TCOF1: variants seen among roughly 807,000 people sequenced by gnomAD.
TCOF1 encodes treacle ribosome biogenesis factor 1, also known as treacle protein.
A neutral mutation model predicts 149.0 loss-of-function variants in TCOF1; 33 were observed. The observed-to-expected ratio is 0.22, with a 90% CI of 0.17 to 0.30. The LOEUF (loss-of-function observed/expected upper bound fraction) is 0.30. TCOF1 is among the 10% of genes least tolerant of loss of function. TCOF1 has a pLI of 1.00. For synonymous variants in TCOF1, 789 were observed against 738.8 expected (o/e 1.07, Z -1.10); for missense variants, 1,728 against 1,840.7 (o/e 0.94, Z 1.12).
Position 150,387,924 on chromosome 5 carries a change from T to G in TCOF1, c.2882T>G (p.Phe961Cys). 1 of 1,614,030 alleles carries G rather than the reference T, an allele frequency of 6.2e-7. No individual in the cohort carries two copies. The highest frequency in any genetic ancestry group is 8.5e-7 in the Non-Finnish European group (1 of 1,180,034). Reference sequence around the variant, plus strand: ...AAGGTGATTAAACCCCCTCTGATTTTTGTCGACCCTAATCGTAGTCCAGCT... The same window carrying G: ...AAGGTGATTAAACCCCCTCTGATTTGTGTCGACCCTAATCGTAGTCCAGCT... The part of the protein sequence containing the change: ...SAQVIKPPLI[F>C]VDPNRSPAGP... The change falls in exon 18 of 27, where the codon TTT becomes TGT. Residue 961 changes from phenylalanine (F) to cysteine (C), a missense_variant. This residue lies in a region of TCOF1 where 1,696 missense variants were observed against 1,765.4 expected (regional missense o/e 0.96). Transcript: ENST00000643257.
At chr5:150,379,787 T>C in intron 17 of TCOF1, 55 bp downstream of exon 17, 3 of 1,589,292 alleles carry the variant, frequency 1.9e-6, no homozygotes, top group Non-Finnish European at 2.6e-6. Context: ...AACGGGGGTA[T>C]AGGGCTGGGC....
chr5:150,375,790 G>T lies in TCOF1; in HGVS notation c.1774G>T (p.Ala592Ser), dbSNP rs1226811976. 2.5e-6 allele frequency: 4 copies of T among 1,614,130 alleles called. No individual in the cohort carries two copies. The highest frequency in any genetic ancestry group is 3.4e-6 in the Non-Finnish European group (4 of 1,180,054). The change falls in exon 12 of 27, where the codon GCA becomes TCA. Residue 592 changes from alanine (A) to serine (S), a missense_variant. By Grantham distance (99) the Ala-to-Ser change is moderately conservative (BLOSUM62 1). This residue lies in a region of TCOF1 where 1,696 missense variants were observed against 1,765.4 expected (regional missense o/e 0.96). Transcript: ENST00000643257. ...SSPAKGPPQK[A>S]GPVAVQVKAE... ...TCCTGCCAAGGGGCCCCCTCAGAAG[G>T]CAGGGCCTGTAGCCGTCCAGGTCAA...
chr5:150,387,960 C>T lies in TCOF1; in HGVS notation c.2918C>T (p.Ala973Val). ...DPNRSPAGPA[A>V]TPAQAQAAST... The stretch of plus-strand genomic sequence containing the variant: ...AATCGTAGTCCAGCTGGCCCAGCTG[C>T]TACACCCGCACAAGCCCAGGCTGCA... Residue 973 changes from alanine to valine, a missense_variant, in exon 18 of 27, where the codon GCT becomes GTT. Around this residue, in one of 2 missense-constraint regions of TCOF1, gnomAD observed 1,696 missense variants for 1,765.4 expected, o/e 0.96. Transcript: ENST00000643257. The T allele has an allele frequency of 6.2e-7, 1 of 1,614,046 alleles. No homozygotes were observed. Among genetic ancestry groups the T allele is most frequent in the South Asian group, 1.1e-5 (1 of 91,076 alleles).
intron 3 of TCOF1, 21 bp downstream of exon 3, chr5:150,364,273 G>C (rs1181245580): frequency 2.5e-6 from 4 of 1,613,822 alleles, no homozygotes. Context: ...TGCAGCTTTG[G>C]GAACAGGCTA....
At chr5:150,392,892 T>TGAC in intron 22 of TCOF1, 102 bp downstream of exon 22, 1 of 1,400,924 alleles carries the variant, frequency 7.1e-7, no homozygotes, top group Non-Finnish European at 9.9e-7. Context: ...CTGGGTCCCC[T>TGAC]CTCTTCACAG....
chr5:150,376,666 G>T, intron 14 of TCOF1, 46 bp downstream of exon 14: 1 of 1,538,066 alleles, frequency 6.5e-7, no homozygotes, highest in South Asian at 1.2e-5. Context: ...ACCTGTTCCT[G>T]AGCCAGGGCT....
chr5:150,392,389 T>C, intron 21 of TCOF1: 1 of 627,948 alleles, frequency 1.6e-6, no homozygotes, highest in Non-Finnish European at 2.7e-6. Context: ...ACTCTCAGCT[T>C]TTTGGTATCA....
rs552014157 is a variant in TCOF1 at position 150,386,377 on chromosome 5, T to A, written c.2860-1525T>A. On this transcript the variant is annotated intron_variant, in intron 17 of 26. Transcript: ENST00000643257. ...CTCAACTGTAAGCCTTCTCCCACTT[T>A]CCATCCTTCTCTTTTTTATATCGTG... Among the ~76,000 whole-genome samples the A allele has an allele frequency of 2.6e-5, 4 of 152,326 alleles. No homozygotes were observed. The South Asian group carries it at 8.3e-4, about 32-fold the overall frequency.
intron 23 of TCOF1, chr5:150,394,010 CAA>C: frequency 5.0e-6 from 1 of 200,082 alleles, no homozygotes; most frequent in Non-Finnish European, 1.0e-5. Context: ...GACCCTGTCT[CAA>C]AAAAAAAGTA....
Position 150,364,221 on chromosome 5 carries a change from G to A in TCOF1, c.273G>A (p.Glu91=). 1.2e-6 allele frequency: 2 copies of A among 1,614,158 alleles called. No individual in the cohort carries two copies. Among genetic ancestry groups the A allele is most frequent in the Non-Finnish European group, 1.7e-6 (2 of 1,180,026 alleles). The change falls in exon 3 of 27, where the codon GAG becomes GAA. Residue 91 remains glutamate, a synonymous_variant. Transcript: ENST00000643257. The part of the protein sequence containing the change: ...PISTSESSEE[E]EEAEAETAKA... ...GCACCTCGGAGAGCTCGGAAGAGGA[G>A]GAAGAAGCAGAAGCCGAAACCGCCA... is the stretch of plus-strand genomic sequence containing the variant.
intron 17 of TCOF1, 108 bp from the exon 18 acceptor site, chr5:150,387,793 CT>C: frequency 2.0e-6 from 3 of 1,497,278 alleles, no homozygotes; most frequent in Non-Finnish European, 2.7e-6. Flanking sequence ...CCAGCTGCCC[CT>C]GAGCTCAGTG....
At chr5:150,371,892 A>T in intron 6 of TCOF1, 114 bp from the exon 7 acceptor site, 1 of 991,656 alleles carries the variant, frequency 1.0e-6, no homozygotes, top group Non-Finnish European at 1.6e-6. Context: ...GGAGTTGCTT[A>T]AAAATCCAGT....
rs1400093170 is a variant in TCOF1 at position 150,372,066 on chromosome 5, C to G, written c.700C>G (p.Pro234Ala). 6.2e-7 allele frequency: 1 copy of G among 1,614,212 alleles called. No individual in the cohort carries two copies. The highest frequency in any genetic ancestry group is 8.5e-7 in the Non-Finnish European group (1 of 1,180,044). ...KASSVSTKES[P>A]ARKAAPAPGK... ...CTCATCAGTTTCTACTAAGGAGTCT[C>G]CAGCAAGAAAGGCGGCCCCAGCCCC... The change falls in exon 7 of 27, where the codon CCA becomes GCA. Residue 234 changes from proline to alanine, a missense_variant. Pro to Ala is a conservative substitution (Grantham distance 27). This residue lies in a region of TCOF1 where 1,696 missense variants were observed against 1,765.4 expected (regional missense o/e 0.96). Coordinates refer to ENST00000643257, the MANE Select transcript of TCOF1 (RefSeq NM_001371623.1).
chr5:150,382,071 C>G (rs1765328806), intron 17 of TCOF1, among the ~76,000 whole-genome samples: 1 of 152,136 alleles, frequency 6.6e-6, no homozygotes, highest in South Asian at 2.1e-4. Context: ...TGGCACCAGC[C>G]TATAATCCCA....
chr5:150,357,723 G>T lies in TCOF1; in HGVS notation c.-24G>T. ...GGGACTAAGGCGGGGCGTGCAGGTA[G>T]CCGGCCGGCCGGGGGTCGCGGGTAT... is the stretch of plus-strand genomic sequence containing the variant. On this transcript the variant is annotated 5_prime_UTR_variant, in exon 1 of 27. Coordinates refer to ENST00000643257, the MANE Select transcript of TCOF1 (RefSeq NM_001371623.1). The T allele has an allele frequency of 2.6e-6, 4 of 1,542,520 alleles. No individual in the cohort carries two copies. Among genetic ancestry groups the T allele is most frequent in the Non-Finnish European group, 3.5e-6 (4 of 1,143,130 alleles).
intron 23 of TCOF1, 45 bp from the exon 24 acceptor site, chr5:150,396,237 C>T (rs1446810605): frequency 3.7e-6 from 6 of 1,602,862 alleles, no homozygotes; most frequent in African/African-American, 1.3e-5. Context: ...TAAGATCTGT[C>T]CCCCAACTCT....
chr5:150,391,760 CT>C, intron 20 of TCOF1, 103 bp downstream of exon 20: 3 of 1,261,150 alleles, frequency 2.4e-6, no homozygotes, highest in Non-Finnish European at 3.4e-6. Flanking sequence ...GACCTCTGCA[CT>C]TGGTTTGCCT....
rs532128971 is a variant in TCOF1, at chr5:150,399,522, A to T, written c.*23-288A>T. 3.0e-4 allele frequency among the ~76,000 whole-genome samples: 45 copies of T among 152,202 alleles called. 1 individual carries two copies. The highest frequency in any genetic ancestry group is 1.1e-3 in the African/African-American group (44 of 41,520). Reference sequence around the variant, plus strand: ...TCCCTATGGAGGACAGGCCCTGCCAAGTGGTGGTGACAGTTAGCTGCTCCA... The same window carrying T: ...TCCCTATGGAGGACAGGCCCTGCCATGTGGTGGTGACAGTTAGCTGCTCCA... On this transcript the variant is annotated intron_variant, in intron 26 of 26. Coordinates refer to ENST00000643257, the MANE Select transcript of TCOF1 (RefSeq NM_001371623.1).
At chr5:150,362,673 G>A (rs1104959) in intron 2 of TCOF1, among the ~76,000 whole-genome samples, 13 of 152,166 alleles carry the variant, frequency 8.5e-5, no homozygotes, top group Non-Finnish European at 1.8e-4. Flanking sequence ...ACAGCCTCTG[G>A]TGGAGAGCTA....
Sources: gnomAD v4.1 joint callset for allele counts (sites outside exome capture counted in the v4.1 genomes callset) on GRCh38, gnomAD v4.1.1 for gene constraint, gnomAD v4.1.1 regional missense constraint, MANE v1.5 for transcripts, NCBI Gene and HGNC (gene_info 2026-07-23, HGNC 2026-07-21) for gene names.